Variants in IRX6 observed in about 807,000 individuals in gnomAD.
IRX6 encodes iroquois homeobox 6, also known as iroquois-class homeodomain protein IRX-6.
IRX6 carries 46 observed loss-of-function variants against 47.7 expected under a neutral mutation model. That is an observed-to-expected ratio of 0.96 (90% confidence interval 0.76 to 1.23). The LOEUF (loss-of-function observed/expected upper bound fraction) is 1.23, where lower values mean the gene tolerates loss of function less well. IRX6 is among the 50% of genes most tolerant of loss of function. The probability of loss-of-function intolerance (pLI) is 0.00; values close to 1 mark genes in which losing one functional copy is unlikely to be tolerated. For synonymous variants in IRX6, 265 were observed against 246.2 expected, an observed-to-expected ratio of 1.08 and a Z score of -0.72; for missense variants, 722 against 588.0, an observed-to-expected ratio of 1.23 and a Z score of -2.36.
rs1319294011 is a variant in IRX6 at position 55,327,646 on chromosome 16, C to A, written c.474C>A (p.Thr158=). Residue 158 remains threonine (T), a synonymous_variant, in exon 4 of 6, where the codon ACC becomes ACA. Coordinates refer to ENST00000290552, the MANE Select transcript of IRX6 (RefSeq NM_024335.3). ...GRRKNATRET[T]STLKAWLNEH... ...GAAAGAACGCGACCCGGGAGACCAC[C>A]AGTACACTCAAGGCCTGGCTCAACG... is the stretch of plus-strand genomic sequence containing the variant. 1 of 1,612,440 alleles carries A rather than the reference C, an allele frequency of 6.2e-7. No homozygotes were observed. Among genetic ancestry groups the A allele is most frequent in the Non-Finnish European group, 8.5e-7 (1 of 1,179,904 alleles).
In IRX6 at chr16:55,325,530, G is replaced by GGAAGGAAGGAAAGAGA. The variant is rs1491427085; in HGVS notation, c.45+396_45+397insAGGAAGGAAAGAGAGA. On this transcript the variant is annotated intron_variant, in intron 1 of 5. Coordinates refer to ENST00000290552, the MANE Select transcript of IRX6 (RefSeq NM_024335.3). ...AGGAAGGAAGGAAGGAAGGAAGGAA[G>GGAAGGAAGGAAAGAGA]GAGAGAGAGAGAGAGAGAGAGAGAG... 8.8e-4 allele frequency among the ~76,000 whole-genome samples: 8 copies of GGAAGGAAGGAAAGAGA among 9,082 alleles called. 2 individuals are homozygous for GGAAGGAAGGAAAGAGA. Among genetic ancestry groups the GGAAGGAAGGAAAGAGA allele is most frequent in the Admixed American group, 1.4e-3 (1 of 714 alleles). The allele number at this position is 9,082 out of a possible 152,430, so 6.0% of individuals were successfully genotyped here.
chr16:55,329,127 A>G lies in IRX6; in HGVS notation c.1149A>G (p.Gly383=), dbSNP rs2142271318. 1.9e-6 allele frequency: 3 copies of G among 1,614,040 alleles called. No homozygotes were observed. Among genetic ancestry groups the G allele is most frequent in the Non-Finnish European group, 2.5e-6 (3 of 1,180,020 alleles). The part of the protein sequence containing the change: ...PRSPECRMIP[G]QPPASARRLS... The stretch of plus-strand genomic sequence containing the variant: ...GTCCTGAGTGCCGTATGATTCCTGG[A>G]CAGCCTCCTGCCTCTGCCCGGCGAC... Residue 383 remains glycine, a synonymous_variant, in exon 5 of 6, where the codon GGA becomes GGG. Transcript: ENST00000290552.
Position 55,330,631 on chromosome 16 carries a change from C to T in IRX6, c.*326C>T, listed in dbSNP as rs1207527874. The T allele has an allele frequency of 4.4e-6, 2 of 452,390 alleles. No homozygotes were observed. Among genetic ancestry groups the T allele is most frequent in the Non-Finnish European group, 8.1e-6 (2 of 248,070 alleles). The allele number at this position is 452,390 out of a possible 1,614,324, so 28.0% of individuals were successfully genotyped here. A position where few individuals can be genotyped will look rare whatever the true frequency, so the allele number is the denominator to read the frequency against. ...GCAAGGCTTCCTCTCCTGCTCACCC[C>T]TGTCTCTCACCTCCACCAACCCCAC... On this transcript the variant is annotated 3_prime_UTR_variant, in exon 6 of 6. Transcript: ENST00000290552.
At chr16:55,326,983 G>A in intron 2 of IRX6, 4 of 233,086 alleles carry the variant, frequency 1.7e-5, no homozygotes, top group Admixed American at 5.5e-5. Context: ...CAGTAAGGGG[G>A]GAAAGGAGGG....
intron 2 of IRX6, 94 bp from the exon 3 acceptor site, chr16:55,327,202 T>A: frequency 1.2e-6 from 1 of 838,540 alleles, no homozygotes; most frequent in Admixed American, 2.0e-5. Context: ...CCAGTACCAG[T>A]GGCCATACTG....
chr16:55,329,110 T>A lies in IRX6; in HGVS notation c.1132T>A (p.Cys378Ser), dbSNP rs747547776. ...CCGGCCTAGGCCACGAAGTCCTGAG[T>A]GCCGTATGATTCCTGGACAGCCTCC... ...PARPRPRSPE[C>S]RMIPGQPPAS... The change falls in exon 5 of 6, where the codon TGC becomes AGC. Residue 378 changes from cysteine (C) to serine (S), a missense_variant. Cys to Ser is a moderately radical substitution (Grantham distance 112, BLOSUM62 -1). Coordinates refer to ENST00000290552, the MANE Select transcript of IRX6 (RefSeq NM_024335.3). The A allele has an allele frequency of 6.2e-7, 1 of 1,614,026 alleles. No homozygotes were observed. Among genetic ancestry groups the A allele is most frequent in the East Asian group, 2.2e-5 (1 of 44,866 alleles).
At chr16:55,327,248 G>A in intron 2 of IRX6, 48 bp from the exon 3 acceptor site, 4 of 1,353,012 alleles carry the variant, frequency 3.0e-6, no homozygotes, top group East Asian at 2.3e-5. Flanking sequence ...CACCCCATGT[G>A]CCCCCTCCCC....
Position 55,326,568 on chromosome 16 carries a change from A to G in IRX6, c.278A>G (p.Glu93Gly). 2 of 1,565,568 alleles carry G rather than the reference A, an allele frequency of 1.3e-6. No homozygotes were observed. The highest frequency in any genetic ancestry group is 8.7e-7 in the Non-Finnish European group (1 of 1,153,724). Reference sequence around the variant, plus strand: ...CCTGGCTACCTGCCCTATAGCCCAGAGCCCCCCTCACTGTATGGGGCACTG... The same window carrying G: ...CCTGGCTACCTGCCCTATAGCCCAGGGCCCCCCTCACTGTATGGGGCACTG... ...SYPGYLPYSP[E>G]PPSLYGALNP... The change falls in exon 2 of 6, where the codon GAG becomes GGG. Residue 93 changes from glutamate (E) to glycine (G), a missense_variant. Coordinates refer to ENST00000290552, the MANE Select transcript of IRX6 (RefSeq NM_024335.3).
chr16:55,327,655 C>T lies in IRX6; in HGVS notation c.483C>T (p.Leu161=), dbSNP rs1960557832. 1 of 1,612,452 alleles carries T rather than the reference C, an allele frequency of 6.2e-7. No homozygotes were observed. Among genetic ancestry groups the T allele is most frequent in the Non-Finnish European group, 8.5e-7 (1 of 1,179,976 alleles). ...CGACCCGGGAGACCACCAGTACACT[C>T]AAGGCCTGGCTCAACGAGCACCGCA... The part of the protein sequence containing the change: ...KNATRETTST[L]KAWLNEHRKN... Residue 161 remains leucine (L), a synonymous_variant, in exon 4 of 6, where the codon CTC becomes CTT. Coordinates refer to ENST00000290552, the MANE Select transcript of IRX6 (RefSeq NM_024335.3).
In IRX6 at chr16:55,327,696, C is replaced by T. The variant is rs746665699; in HGVS notation, c.524C>T (p.Thr175Ile). ...GAGCACCGCAAAAACCCCTACCCCA[C>T]TAAGGGTGAGAAGATCATGCTGGCC... ...LNEHRKNPYPTKGEKIMLAII... is the reference protein window; with the variant it reads ...LNEHRKNPYPIKGEKIMLAII... Residue 175 changes from threonine to isoleucine, a missense_variant, in exon 4 of 6, where the codon ACT becomes ATT. Thr to Ile is a moderately conservative substitution (Grantham distance 89). Transcript: ENST00000290552. 1.9e-6 allele frequency: 3 copies of T among 1,612,458 alleles called. No individual in the cohort carries two copies.
chr16:55,325,122 C>A lies in IRX6; in HGVS notation c.31C>A (p.Arg11Ser). The change falls in exon 1 of 6, where the codon CGC (arginine) becomes AGC (serine). Residue 11 changes from arginine to serine, a missense_variant. Coordinates refer to ENST00000290552, the MANE Select transcript of IRX6 (RefSeq NM_024335.3). ...CTTCCCACACTTTGGACACCCGTAC[C>A]GCGGCGCTTCCCAGGTAAGAGGCGC... MSFPHFGHPY[R>S]GASQFLASAS... is the part of the protein sequence containing the mutation. 1 of 1,613,988 alleles carries A rather than the reference C, an allele frequency of 6.2e-7. No homozygotes were observed. Among genetic ancestry groups the A allele is most frequent in the Non-Finnish European group, 8.5e-7 (1 of 1,180,010 alleles).
Position 55,330,515 on chromosome 16 carries a change from T to C in IRX6, c.*210T>C. 1 of 594,088 alleles carries C rather than the reference T, an allele frequency of 1.7e-6. No individual in the cohort carries two copies. The highest frequency in any genetic ancestry group is 3.0e-6 in the Non-Finnish European group (1 of 332,166). The allele number at this position is 594,088 out of a possible 1,614,324, so 36.8% of individuals were successfully genotyped here. ...GAACCTTAGCAGTCCCCACGGGAGA[T>C]GGCAGGGCACCTTGGGGAAGGCCAA... On this transcript the variant is annotated 3_prime_UTR_variant, in exon 6 of 6. Transcript: ENST00000290552.
intron 1 of IRX6, among the ~76,000 whole-genome samples, chr16:55,325,522 GGAAGGAAGGAGAGAGA>G (rs1156938533): frequency 5.5e-5 from 1 of 18,280 alleles, no homozygotes; most frequent in South Asian, 3.4e-3. Context: ...AAGGAAGGAA[GGAAGGAAGGAGAGAGA>G]GAGAGAGAGA....
At position 55,330,370 on chromosome 16, in the gene IRX6, G is replaced by A; in HGVS notation, c.*65G>A. On this transcript the variant is annotated 3_prime_UTR_variant, in exon 6 of 6. Coordinates refer to ENST00000290552, the MANE Select transcript of IRX6 (RefSeq NM_024335.3). ...CCCCACGTTTCGAATTCATCTCCAG[G>A]TTAAGAAGCTGCCAGACCTTGCCAG... 6.5e-7 allele frequency: 1 copy of A among 1,544,150 alleles called. No individual in the cohort carries two copies. Among genetic ancestry groups the A allele is most frequent in the East Asian group, 2.2e-5 (1 of 44,536 alleles).
At chr16:55,326,712 A>C in intron 2 of IRX6, 119 bp downstream of exon 2, 1 of 1,093,804 alleles carries the variant, frequency 9.1e-7, no homozygotes, top group Middle Eastern at 2.4e-4. Flanking sequence ...GTGTATAAGG[A>C]GGACAAAAAA....
chr16:55,329,344 A>T (rs765711457), intron 5 of IRX6, 33 bp downstream of exon 5: 1 of 1,561,406 alleles, frequency 6.4e-7, no homozygotes, highest in South Asian at 1.1e-5. Context: ...GGGAGTATCT[A>T]TGCAAAAGAC....
At chr16:55,325,229 T>C (rs31079) in intron 1 of IRX6, 93 bp downstream of exon 1, 960,978 of 1,256,864 alleles carry the variant, frequency 0.76, 368,827 homozygotes, top group East Asian at 0.89. Context: ...CCTCTTGTGT[T>C]CTGGGGGAAG....
Position 55,326,344 on chromosome 16 carries a change from G to C in IRX6, c.54G>C (p.Ala18=). The C allele has an allele frequency of 6.2e-7, 1 of 1,612,722 alleles. No individual in the cohort carries two copies. Among genetic ancestry groups the C allele is most frequent in the Non-Finnish European group, 8.5e-7 (1 of 1,179,378 alleles). The change falls in exon 2 of 6, where the codon GCG becomes GCC. Residue 18 remains alanine, a synonymous_variant. Coordinates refer to ENST00000290552, the MANE Select transcript of IRX6 (RefSeq NM_024335.3). ...CTTTCTTGCCCCTATAGTTTCTGGC[G>C]TCGGCAAGTTCCAGCACCACATGCT... ...HPYRGASQFL[A]SASSSTTCCE... is the part of the protein sequence containing the mutation.
rs879726752 is a variant in IRX6, at chr16:55,328,770, G to C, written c.792G>C (p.Glu264Asp). ...SDLEDLEEEE[E>D]EEEEAEDEEV... ...TGGAAGACCTGGAGGAAGAGGAGGA[G>C]GAGGAGGAGGAAGCTGAAGACGAGG... Residue 264 changes from glutamate to aspartate, a missense_variant, in exon 5 of 6, where the codon GAG (glutamate) becomes GAC (aspartate). By Grantham distance (45) the Glu-to-Asp change is conservative. Transcript: ENST00000290552. 3 of 1,613,106 alleles carry C rather than the reference G, an allele frequency of 1.9e-6. No individual in the cohort carries two copies. The highest frequency in any genetic ancestry group is 1.7e-5 in the Admixed American group (1 of 60,000).
Sources: allele counts gnomAD v4.1 joint callset (sites outside exome capture counted in the v4.1 genomes callset), GRCh38; gene constraint gnomAD v4.1.1; transcripts MANE v1.5; gene names NCBI Gene and HGNC (gene_info 2026-07-23, HGNC 2026-07-21).